The following PRKD1 variants were observed in gnomAD, a reference collection of about 807,000 sequenced individuals.
PRKD1 encodes serine/threonine-protein kinase D1.
Under a neutral mutation model 95.9 loss-of-function variants are expected in PRKD1, and 63 were observed. The ratio of observed to expected loss-of-function variants is 0.66; its 90% CI spans 0.54 to 0.81. PRKD1 has a LOEUF of 0.81. PRKD1 is among the 30% of genes least tolerant of loss of function. The pLI is 0.00. For synonymous variants in PRKD1, 425 were observed against 423.1 expected (o/e 1.00, Z -0.05); for missense variants, 1,048 against 1,165.3 (o/e 0.90, Z 1.47).
At chr14:29,780,227 G>A (rs1888981743) in intron 1 of PRKD1, among the ~76,000 whole-genome samples, 1 of 152,106 alleles carries the variant, frequency 6.6e-6, no homozygotes, top group South Asian at 2.1e-4. Context: ...CATAGGCATG[G>A]GCAAGGACTT....
At chr14:29,672,959 T>C (rs746371249) in intron 2 of PRKD1, among the ~76,000 whole-genome samples, 4 of 152,176 alleles carry the variant, frequency 2.6e-5, no homozygotes, top group African/African-American at 7.2e-5. Context: ...GAGTGTTTGA[T>C]AGCAGGGCTA....
chr14:29,693,648 C>CA (rs1403495192), intron 2 of PRKD1, among the ~76,000 whole-genome samples: 1,488 of 96,868 alleles, frequency 0.015, 30 homozygotes, highest in African/African-American at 0.085. Flanking sequence ...AAAACAACAA[C>CA]AACAAAAAAA....
chr14:29,608,538 C>A (rs958627614), intron 13 of PRKD1, among the ~76,000 whole-genome samples: 6 of 152,134 alleles, frequency 3.9e-5, no homozygotes, highest in Non-Finnish European at 7.4e-5. Context: ...ACATTTTTCT[C>A]AAGGATGCTT....
At chr14:29,819,456 C>T (rs547045140) in intron 1 of PRKD1, among the ~76,000 whole-genome samples, 2 of 151,900 alleles carry the variant, frequency 1.3e-5, no homozygotes, top group Non-Finnish European at 2.9e-5. Context: ...TTTGGGAGGC[C>T]GAGGCAGGCG....
chr14:29,786,244 T>C (rs376219839), intron 1 of PRKD1, among the ~76,000 whole-genome samples: 1 of 152,156 alleles, frequency 6.6e-6, no homozygotes, highest in African/African-American at 2.4e-5. Context: ...TTAATTTTCA[T>C]AATATTTTGT....
At chr14:29,739,965 T>A (rs920464713) in intron 1 of PRKD1, among the ~76,000 whole-genome samples, 5 of 152,206 alleles carry the variant, frequency 3.3e-5, no homozygotes, top group South Asian at 2.1e-4. Flanking sequence ...CATTATTTTG[T>A]TGTATATAAT....
chr14:29,874,908 G>C (rs1305135450), intron 1 of PRKD1, among the ~76,000 whole-genome samples: 1 of 152,084 alleles, frequency 6.6e-6, no homozygotes, highest in Non-Finnish European at 1.5e-5. Context: ...TTAAGAAGAA[G>C]TTCTAATGTT....
At chr14:29,580,403 G>A (rs1041411572) in intron 16 of PRKD1, among the ~76,000 whole-genome samples, 30 of 152,124 alleles carry the variant, frequency 2.0e-4, no homozygotes, top group African/African-American at 7.0e-4. Context: ...CTACTTCCAA[G>A]AGAAAATGGT....
At chr14:29,843,799 T>C (rs1891966172) in intron 1 of PRKD1, among the ~76,000 whole-genome samples, 1 of 151,922 alleles carries the variant, frequency 6.6e-6, no homozygotes, top group South Asian at 2.1e-4. Flanking sequence ...TGTTAGAAAA[T>C]GGTAAATGTT....
intron 2 of PRKD1, among the ~76,000 whole-genome samples, chr14:29,716,204 G>T (rs891781845): frequency 6.6e-6 from 1 of 152,178 alleles, no homozygotes; most frequent in African/African-American, 2.4e-5. Flanking sequence ...GATGAAAAGA[G>T]AAGAGAAGCA....
intron 1 of PRKD1, among the ~76,000 whole-genome samples, chr14:29,876,303 G>A (rs1893286367): frequency 1.3e-5 from 2 of 152,156 alleles, no homozygotes; most frequent in Non-Finnish European, 2.9e-5. Flanking sequence ...AAACCATGGG[G>A]ATAAAGAACA....
At chr14:29,628,105 C>G (rs1879746217) in intron 11 of PRKD1, among the ~76,000 whole-genome samples, 1 of 152,130 alleles carries the variant, frequency 6.6e-6, no homozygotes, top group Admixed American at 6.5e-5. Flanking sequence ...AAAGAAATTT[C>G]TTTAGGAATT....
intron 1 of PRKD1, among the ~76,000 whole-genome samples, chr14:29,779,274 G>C (rs1297093882): frequency 6.6e-6 from 1 of 152,160 alleles, no homozygotes; most frequent in East Asian, 1.9e-4. Context: ...CATAGTGTTG[G>C]AAGTTCTGGC....
chr14:29,663,928 A>G (rs1566523684), intron 3 of PRKD1, 69 bp from the exon 4 acceptor site: 1 of 1,467,244 alleles, frequency 6.8e-7, no homozygotes, highest in Non-Finnish European at 9.3e-7. Context: ...TATTAGTGTA[A>G]AGTAGAAATT....
At chr14:29,580,960 C>T (rs1444012661) in intron 16 of PRKD1, among the ~76,000 whole-genome samples, 1 of 151,836 alleles carries the variant, frequency 6.6e-6, no homozygotes, top group Admixed American at 6.6e-5. Context: ...CACATGCATG[C>T]CCCTCCCCAG....
intron 1 of PRKD1, among the ~76,000 whole-genome samples, chr14:29,739,371 T>C (rs1196132834): frequency 1.3e-5 from 2 of 152,232 alleles, no homozygotes; most frequent in Non-Finnish European, 2.9e-5. Context: ...ACCTCTCTTT[T>C]TTTTTAGCCA....
chr14:29,859,077 T>G (rs1023376557), intron 1 of PRKD1, among the ~76,000 whole-genome samples: 1 of 152,352 alleles, frequency 6.6e-6, no homozygotes, highest in African/African-American at 2.4e-5. Flanking sequence ...AATATAGCAT[T>G]TCCCCACTTG....
At position 29,845,432 on chromosome 14, in the gene PRKD1, C is replaced by T. The variant is rs1025209784; in HGVS notation, c.264+81817G>A. Among the ~76,000 whole-genome samples the T allele has an allele frequency of 2.0e-5, 3 of 152,060 alleles. No homozygotes were observed. In the South Asian group the frequency reaches 6.2e-4, roughly 32 times the overall value. Reference sequence around the variant, plus strand: ...CAGAATTATTAGGTTATAAAACATACTTTTAAAAATCGTTGCAAAATTACA... The same window carrying T: ...CAGAATTATTAGGTTATAAAACATATTTTTAAAAATCGTTGCAAAATTACA... On this transcript the variant is annotated intron_variant, in intron 1 of 17. Transcript: ENST00000331968.
chr14:29,649,751 T>G (rs1001314825), intron 4 of PRKD1, among the ~76,000 whole-genome samples: 1 of 152,224 alleles, frequency 6.6e-6, no homozygotes, highest in Non-Finnish European at 1.5e-5. Flanking sequence ...AACTTGACTT[T>G]TTGATTTCCC....
Sources: allele counts gnomAD v4.1 joint callset (sites outside exome capture counted in the v4.1 genomes callset), GRCh38; gene constraint gnomAD v4.1.1; transcripts MANE v1.5; gene names NCBI Gene and HGNC (gene_info 2026-07-23, HGNC 2026-07-21).